OR4D2: variants seen among roughly 807,000 people sequenced by gnomAD.
OR4D2 encodes olfactory receptor 4D2.
OR4D2 carries 9 observed loss-of-function variants against 12.4 expected under a neutral mutation model. The observed-to-expected ratio is 0.73, with a 90% CI of 0.44 to 1.27. The LOEUF (loss-of-function observed/expected upper bound fraction) is 1.27, where lower values mean the gene tolerates loss of function less well. Ranked by LOEUF, OR4D2 falls within the 50% of genes most tolerant of loss-of-function variation. OR4D2 has a pLI of 0.00. For synonymous variants in OR4D2, 151 were observed against 151.1 expected, an observed-to-expected ratio of 1.00 and a Z score of 0.01; for missense variants, 373 against 381.6, an observed-to-expected ratio of 0.98 and a Z score of 0.19.
At chr17:58,168,370 A>AT (rs1235132864) in intron 1 of OR4D2, among the ~76,000 whole-genome samples, 1 of 151,728 alleles carries the variant, frequency 6.6e-6, no homozygotes, top group Non-Finnish European at 1.5e-5. Flanking sequence ...CGCCCGGCTA[A>AT]TTTTTTTGTA....
intron 1 of OR4D2, among the ~76,000 whole-genome samples, chr17:58,168,735 A>G (rs1230221165): frequency 6.6e-6 from 1 of 152,084 alleles, no homozygotes; most frequent in African/African-American, 2.4e-5. Flanking sequence ...TACAATATTC[A>G]TCATCTATTT....
At chr17:58,167,548 G>A (rs1967903621) in intron 1 of OR4D2, among the ~76,000 whole-genome samples, 1 of 152,198 alleles carries the variant, frequency 6.6e-6, no homozygotes, top group Admixed American at 6.5e-5. Flanking sequence ...TGCTGAGAGA[G>A]AGTTGCATGC....
In OR4D2 at chr17:58,170,678, C is replaced by A; in HGVS notation, c.*99C>A. 2.2e-6 allele frequency: 2 copies of A among 921,372 alleles called. No homozygotes were observed. The highest frequency in any genetic ancestry group is 2.0e-5 in the Admixed American group (1 of 50,102). 57.1% of individuals were successfully genotyped at this position (921,372 alleles called of 1,614,324 possible). ...GCTCTCTTCATAGTGTGTTGAGGTTCATCATAGCAGGGAATGAATTTTGAA... is the reference window on the plus strand; with the variant it reads ...GCTCTCTTCATAGTGTGTTGAGGTTAATCATAGCAGGGAATGAATTTTGAA... On this transcript the variant is annotated 3_prime_UTR_variant, in exon 2 of 2. Coordinates refer to ENST00000545221, the MANE Select transcript of OR4D2 (RefSeq NM_001004707.4).
chr17:58,170,841 T>C lies in OR4D2; in HGVS notation c.*262T>C. 2.1e-6 allele frequency: 1 copy of C among 480,882 alleles called. No individual in the cohort carries two copies. Among genetic ancestry groups the C allele is most frequent in the Non-Finnish European group, 3.8e-6 (1 of 265,176 alleles). 29.8% of individuals were successfully genotyped at this position (480,882 alleles called of 1,614,324 possible). On this transcript the variant is annotated 3_prime_UTR_variant, in exon 2 of 2. Transcript: ENST00000545221. ...GAAAACCACACCTTCCTTTTCACCT[T>C]CTTGGTGGACAGTTTCCTGTTGACA...
In OR4D2 at chr17:58,169,686, G is replaced by T. The variant is rs757006950; in HGVS notation, c.31G>T (p.Asp11Tyr). The change falls in exon 2 of 2, where the codon GAC becomes TAC. Residue 11 changes from aspartate (D) to tyrosine (Y), a missense_variant. Physicochemically the swap from Asp to Tyr is radical, Grantham distance 160 (BLOSUM62 -3). Transcript: ENST00000545221. ...AACAGGGAACCTCACGTGGGTATCA[G>T]ACTTTGTCTTCCTGGGGCTCTCGCA... METGNLTWVS[D>Y]FVFLGLSQTR... 3.8e-5 allele frequency: 61 copies of T among 1,614,042 alleles called. No individual in the cohort carries two copies. The highest frequency in any genetic ancestry group is 4.9e-5 in the Non-Finnish European group (58 of 1,179,998).
intron 1 of OR4D2, 80 bp downstream of exon 1, chr17:58,167,133 C>G (rs1270595281): frequency 6.6e-6 from 1 of 152,180 alleles, no homozygotes; most frequent in African/African-American, 2.4e-5. Context: ...AGTTGGCAAA[C>G]ATTTCTGAGC....
At chr17:58,167,720 T>C (rs1967905718) in intron 1 of OR4D2, among the ~76,000 whole-genome samples, 1 of 152,022 alleles carries the variant, frequency 6.6e-6, no homozygotes, top group African/African-American at 2.4e-5. Flanking sequence ...GTGTAGAAGG[T>C]GTCCTGGAGT....
At chr17:58,167,948 A>C (rs1967909141) in intron 1 of OR4D2, among the ~76,000 whole-genome samples, 1 of 126,266 alleles carries the variant, frequency 7.9e-6, no homozygotes, top group East Asian at 2.7e-4. Flanking sequence ...GCTTGCAGTG[A>C]GTGAGCCGAG....
chr17:58,170,218 C>G lies in OR4D2; in HGVS notation c.563C>G (p.Ala188Gly). The G allele has an allele frequency of 6.2e-7, 1 of 1,614,110 alleles. No individual in the cohort carries two copies. The highest frequency in any genetic ancestry group is 8.5e-7 in the Non-Finnish European group (1 of 1,179,968). ...GATGTTCCCCAAGTACTGAGACTTG[C>G]CTGCACTGACACCTCACTGCTGGAG... ...YCDVPQVLRL[A>G]CTDTSLLEFL... Residue 188 changes from alanine to glycine, a missense_variant, in exon 2 of 2, where the codon GCC (alanine) becomes GGC (glycine). By Grantham distance (60) the Ala-to-Gly change is moderately conservative. Coordinates refer to ENST00000545221, the MANE Select transcript of OR4D2 (RefSeq NM_001004707.4).
At chr17:58,168,642 A>G (rs533179801) in intron 1 of OR4D2, among the ~76,000 whole-genome samples, 1 of 152,290 alleles carries the variant, frequency 6.6e-6, no homozygotes, top group African/African-American at 2.4e-5. Context: ...TTCTTTCAAC[A>G]ACTTCCTTTG....
At position 58,170,688 on chromosome 17, in the gene OR4D2, G is replaced by T; in HGVS notation, c.*109G>T. 1.2e-6 allele frequency: 1 copy of T among 850,856 alleles called. No individual in the cohort carries two copies. The highest frequency in any genetic ancestry group is 1.7e-5 in the African/African-American group (1 of 58,808). The allele number at this position is 850,856 out of a possible 1,614,324, so 52.7% of individuals were successfully genotyped here. On this transcript the variant is annotated 3_prime_UTR_variant, in exon 2 of 2. Coordinates refer to ENST00000545221, the MANE Select transcript of OR4D2 (RefSeq NM_001004707.4). ...TAGTGTGTTGAGGTTCATCATAGCA[G>T]GGAATGAATTTTGAAACTAAGCAAC...
In OR4D2 at chr17:58,170,140, T is replaced by C. The variant is rs1488320047; in HGVS notation, c.485T>C (p.Leu162Pro). The change falls in exon 2 of 2, where the codon CTG (leucine) becomes CCG (proline). Residue 162 changes from leucine (L) to proline (P), a missense_variant. Physicochemically the swap from Leu to Pro is moderately conservative, Grantham distance 98 (BLOSUM62 -3). Transcript: ENST00000545221. ...GFVHSIVQLA[L>P]MLPLPFCGPN... is the part of the protein sequence containing the mutation. ...GTCCACTCTATTGTCCAGCTGGCTC[T>C]GATGCTCCCACTGCCCTTCTGTGGC... The C allele has an allele frequency of 6.2e-7, 1 of 1,614,082 alleles. No homozygotes were observed. Among genetic ancestry groups the C allele is most frequent in the African/African-American group, 1.3e-5 (1 of 74,940 alleles).
At chr17:58,169,329 T>C (rs1057274476) in intron 1 of OR4D2, 1 of 334,444 alleles carries the variant, frequency 3.0e-6, no homozygotes, top group Admixed American at 4.7e-5. Flanking sequence ...AAGTTACTCA[T>C]GGTCAAATCA....
intron 1 of OR4D2, among the ~76,000 whole-genome samples, chr17:58,168,365 G>A (rs990805628): frequency 6.6e-6 from 1 of 151,928 alleles, no homozygotes; most frequent in African/African-American, 2.4e-5. Flanking sequence ...CACCACGCCC[G>A]GCTAATTTTT....
chr17:58,169,313 T>C (rs1212212248), intron 1 of OR4D2: 5 of 290,966 alleles, frequency 1.7e-5, no homozygotes. Context: ...CCCAGAAAGA[T>C]TAAGTAAGTT....
In OR4D2 at chr17:58,169,640, G is replaced by A. The variant is rs762101646; in HGVS notation, c.-16G>A. 1.9e-6 allele frequency: 3 copies of A among 1,599,824 alleles called. No homozygotes were observed. Among genetic ancestry groups the A allele is most frequent in the Admixed American group, 1.7e-5 (1 of 60,000 alleles). On this transcript the variant is annotated splice_region_variant and 5_prime_UTR_variant, in exon 2 of 2. Coordinates refer to ENST00000545221, the MANE Select transcript of OR4D2 (RefSeq NM_001004707.4). Reference sequence around the variant, plus strand: ...TGTCTGTGGTTCATTTTCTTCAGGTGTATGGAGAAAACACCATGGAAACAG... The same window carrying A: ...TGTCTGTGGTTCATTTTCTTCAGGTATATGGAGAAAACACCATGGAAACAG...
intron 1 of OR4D2, among the ~76,000 whole-genome samples, chr17:58,168,277 A>T (rs1356266333): frequency 6.6e-6 from 1 of 151,234 alleles, no homozygotes; most frequent in Non-Finnish European, 1.5e-5. Flanking sequence ...CATGACCTCC[A>T]CTCACTGCAG....
chr17:58,169,601 A>G (rs1006380892), intron 1 of OR4D2, 37 bp from the exon 2 acceptor site: 3 of 1,422,364 alleles, frequency 2.1e-6, no homozygotes, highest in East Asian at 4.5e-5. Context: ...GAAAGTAGTG[A>G]CTTCATGTAT....
At chr17:58,168,218 A>G (rs1967914600) in intron 1 of OR4D2, among the ~76,000 whole-genome samples, 1 of 146,186 alleles carries the variant, frequency 6.8e-6, no homozygotes, top group Non-Finnish European at 1.5e-5. Context: ...TTTGTTTTTG[A>G]TTTTTTGAGA....
Sources: allele counts gnomAD v4.1 joint callset (sites outside exome capture counted in the v4.1 genomes callset), GRCh38; gene constraint gnomAD v4.1.1; transcripts MANE v1.5; gene names NCBI Gene and HGNC (gene_info 2026-07-23, HGNC 2026-07-21).